Variants in ZNF892 observed in about 807,000 individuals in gnomAD.
ZNF892 encodes the protein zinc finger protein 570-like.
At chr2:95,233,541 T>G in the ZNF892 span, among the ~76,000 whole-genome samples, 1 of 150,172 alleles carries the variant, frequency 6.7e-6, no homozygotes, top group Non-Finnish European at 1.5e-5. Context: ...GGCGTGGTGG[T>G]GGGCGCCTGT....
chr2:95,218,810 T>C, the ZNF892 span, among the ~76,000 whole-genome samples: 134 of 152,310 alleles, frequency 8.8e-4, no homozygotes, highest in Non-Finnish European at 1.6e-3. Context: ...TCACATGACC[T>C]TTTCTCAGTG....
the ZNF892 span, among the ~76,000 whole-genome samples, chr2:95,246,408 A>G: frequency 6.6e-6 from 1 of 152,246 alleles, no homozygotes; most frequent in South Asian, 2.1e-4. Flanking sequence ...GCCATATCAT[A>G]CTGAATGGGC....
chr2:95,255,863 T>G, the ZNF892 span, among the ~76,000 whole-genome samples: 29 of 152,342 alleles, frequency 1.9e-4, no homozygotes, highest in African/African-American at 6.7e-4. Context: ...TGATCTTTGT[T>G]GGTTTAAAGT....
the ZNF892 span, chr2:95,212,341 G>T: frequency 2.5e-6 from 1 of 398,248 alleles, no homozygotes; most frequent in South Asian, 1.3e-4. Context: ...GCTTGTGGAG[G>T]AGGAGCCTGT....
At chr2:95,241,943 A>G in the ZNF892 span, among the ~76,000 whole-genome samples, 2 of 152,218 alleles carry the variant, frequency 1.3e-5, no homozygotes, top group South Asian at 4.1e-4. Flanking sequence ...AGACAAGAAT[A>G]GAGAAAAAAA....
At chr2:95,255,112 T>G in the ZNF892 span, among the ~76,000 whole-genome samples, 1 of 152,218 alleles carries the variant, frequency 6.6e-6, no homozygotes, top group Non-Finnish European at 1.5e-5. Context: ...ATTTCTTGCC[T>G]TCTGCTAGCT....
chr2:95,213,252 A>G, the ZNF892 span, among the ~76,000 whole-genome samples: 1 of 152,142 alleles, frequency 6.6e-6, no homozygotes, highest in Non-Finnish European at 1.5e-5. Flanking sequence ...TTGGGGCTTT[A>G]ATTTTTTCCA....
the ZNF892 span, among the ~76,000 whole-genome samples, chr2:95,229,411 C>T: frequency 2.0e-5 from 3 of 152,156 alleles, no homozygotes; most frequent in Non-Finnish European, 4.4e-5. Flanking sequence ...CTCCTCCATG[C>T]CCTTCCCTTC....
chr2:95,212,420 T>C, the ZNF892 span: 1 of 396,460 alleles, frequency 2.5e-6, no homozygotes. Flanking sequence ...CCTAGCTCTG[T>C]GGATGGTTAT....
the ZNF892 span, among the ~76,000 whole-genome samples, chr2:95,250,306 T>C: frequency 6.6e-6 from 1 of 151,956 alleles, no homozygotes; most frequent in African/African-American, 2.4e-5. Context: ...TAGAATAAGT[T>C]GTATGTCTGC....
chr2:95,262,741 G>A, the ZNF892 span, among the ~76,000 whole-genome samples: 1 of 152,222 alleles, frequency 6.6e-6, no homozygotes, highest in Non-Finnish European at 1.5e-5. Flanking sequence ...CTCATTTTAT[G>A]TGAGAGGAAA....
the ZNF892 span, among the ~76,000 whole-genome samples, chr2:95,257,026 C>T: frequency 7.9e-5 from 12 of 152,328 alleles, no homozygotes; most frequent in East Asian, 2.3e-3. Context: ...GAACTTCCTC[C>T]TTTAGCTCAG....
the ZNF892 span, among the ~76,000 whole-genome samples, chr2:95,253,857 G>T: frequency 1.3e-5 from 2 of 152,128 alleles, no homozygotes; most frequent in African/African-American, 4.8e-5. Context: ...TTGTGAATGG[G>T]AGTTCACTCA....
the ZNF892 span, among the ~76,000 whole-genome samples, chr2:95,223,436 C>A: frequency 6.4e-4 from 98 of 152,078 alleles, no homozygotes; most frequent in Non-Finnish European, 5.7e-4. Flanking sequence ...CACTCTCTCA[C>A]CCAGGCTGGA....
the ZNF892 span, among the ~76,000 whole-genome samples, chr2:95,254,791 C>A: frequency 6.6e-6 from 1 of 152,202 alleles, no homozygotes; most frequent in Non-Finnish European, 1.5e-5. Flanking sequence ...GATTCAACTT[C>A]TTCCTGGTTT....
the ZNF892 span, among the ~76,000 whole-genome samples, chr2:95,225,041 A>G: frequency 6.6e-6 from 1 of 152,230 alleles, no homozygotes; most frequent in African/African-American, 2.4e-5. Context: ...TCTATTCGCT[A>G]TAAATTACCC....
At chr2:95,258,469 G>A in the ZNF892 span, among the ~76,000 whole-genome samples, 2 of 152,104 alleles carry the variant, frequency 1.3e-5, no homozygotes, top group Non-Finnish European at 2.9e-5. Context: ...GAACAGATGT[G>A]GATTGTTATA....
At chr2:95,224,630 A>T in the ZNF892 span, among the ~76,000 whole-genome samples, 2 of 152,158 alleles carry the variant, frequency 1.3e-5, no homozygotes, top group South Asian at 4.1e-4. Context: ...TCATGATCCA[A>T]TCGCCTCCAA....
the ZNF892 span, among the ~76,000 whole-genome samples, chr2:95,218,892 A>C: frequency 6.6e-6 from 1 of 152,190 alleles, no homozygotes; most frequent in Non-Finnish European, 1.5e-5. Context: ...ACTTCCTCAG[A>C]ACCTATCTCC....
Sources: gnomAD v4.1 joint callset for allele counts (sites outside exome capture counted in the v4.1 genomes callset) on GRCh38, gnomAD v4.1.1 for gene constraint, MANE v1.5 for transcripts, NCBI Gene and HGNC (gene_info 2026-07-23, HGNC 2026-07-21) for gene names.